TRAPPC9: variants seen among roughly 807,000 people sequenced by gnomAD.
TRAPPC9 encodes the protein IKK2 binding protein.
TRAPPC9 carries 83 observed loss-of-function variants against 124.0 expected under a neutral mutation model. That is an observed-to-expected ratio of 0.67 (90% confidence interval 0.56 to 0.80). TRAPPC9 has a LOEUF of 0.80. Ranked by LOEUF, TRAPPC9 falls within the 30% of genes least tolerant of loss-of-function variation. The probability of loss-of-function intolerance (pLI) is 0.00; values close to 1 mark genes in which losing one functional copy is unlikely to be tolerated. For missense variants in TRAPPC9, 1,302 were observed against 1,508.3 expected (o/e 0.86, Z 2.27); for synonymous variants, 638 against 617.5 (o/e 1.03, Z -0.49).
At chr8:140,153,056 C>G (rs527589257) in intron 17 of TRAPPC9, among the ~76,000 whole-genome samples, 4 of 152,142 alleles carry the variant, frequency 2.6e-5, no homozygotes, top group Non-Finnish European at 5.9e-5. Context: ...ACCTTTATTT[C>G]TAATGAGACT....
intron 7 of TRAPPC9, among the ~76,000 whole-genome samples, chr8:140,382,634 G>C (rs1008552106): frequency 6.6e-6 from 1 of 152,008 alleles, no homozygotes; most frequent in African/African-American, 2.4e-5. Flanking sequence ...CATTGCTGAG[G>C]CTTCAGTAGG....
chr8:140,076,468 C>G (rs1438927728), intron 17 of TRAPPC9, among the ~76,000 whole-genome samples: 2 of 152,230 alleles, frequency 1.3e-5, no homozygotes, highest in Non-Finnish European at 2.9e-5. Flanking sequence ...TAGCTAGGAT[C>G]AAACATCAAA....
intron 17 of TRAPPC9, among the ~76,000 whole-genome samples, chr8:140,074,333 C>T (rs550994693): frequency 5.3e-5 from 8 of 152,292 alleles, no homozygotes; most frequent in Admixed American, 2.0e-4. Flanking sequence ...TGGTCACAGC[C>T]GTGCTTCACT....
chr8:139,808,967 C>T (rs899227990), intron 21 of TRAPPC9, among the ~76,000 whole-genome samples: 1 of 152,228 alleles, frequency 6.6e-6, no homozygotes, highest in African/African-American at 2.4e-5. Flanking sequence ...TGTATGTTTT[C>T]AATGCTCTTT....
rs1023935825 is a variant in TRAPPC9 at position 140,049,550 on chromosome 8, C to CA, written c.2557-25472_2557-25471insT. Among the ~76,000 whole-genome samples the CA allele has an allele frequency of 9.2e-5, 14 of 151,946 alleles. 1 individual carries two copies. The highest frequency in any genetic ancestry group is 2.6e-4 in the Admixed American group (4 of 15,264). On this transcript the variant is annotated intron_variant, in intron 17 of 22. Coordinates refer to ENST00000438773, the MANE Select transcript of TRAPPC9 (RefSeq NM_001160372.4). ...GAAGATAAATCCTACAGGGCTCCCC[C>CA]CCCCGAGACCACCAAATTATTTCCC...
intron 17 of TRAPPC9, among the ~76,000 whole-genome samples, chr8:140,198,669 T>C (rs921962107): frequency 6.6e-6 from 1 of 152,180 alleles, no homozygotes; most frequent in Admixed American, 6.5e-5. Flanking sequence ...TGAATTACTC[T>C]TTCTCTATTG....
chr8:140,272,001 TG>T, intron 15 of TRAPPC9, among the ~76,000 whole-genome samples: 12 of 125,922 alleles, frequency 9.5e-5, no homozygotes, highest in Admixed American at 8.7e-4. Flanking sequence ...GTGGTGGTAG[TG>T]ATGGTGGTGA....
At chr8:140,045,290 G>C (rs763280669) in intron 17 of TRAPPC9, among the ~76,000 whole-genome samples, 3 of 152,088 alleles carry the variant, frequency 2.0e-5, no homozygotes, top group Non-Finnish European at 4.4e-5. Context: ...TGCCTGCTGC[G>C]GGCTGTGAGC....
Position 139,892,099 on chromosome 8 carries a change from G to A in TRAPPC9, c.2965-6130C>T, listed in dbSNP as rs907341205. 3.3e-5 allele frequency among the ~76,000 whole-genome samples: 5 copies of A among 152,196 alleles called. No homozygotes were observed. The East Asian group carries it at 5.8e-4, about 18-fold the overall frequency. On this transcript the variant is annotated intron_variant, in intron 20 of 22. Transcript: ENST00000438773. Reference sequence around the variant, plus strand: ...ATGGGCACATACCCATACATGGGCCGCCACAAGCACATGCGCCGCAGCACC... The same window carrying A: ...ATGGGCACATACCCATACATGGGCCACCACAAGCACATGCGCCGCAGCACC...
intron 21 of TRAPPC9, among the ~76,000 whole-genome samples, chr8:139,736,967 A>G (rs983866897): frequency 2.6e-5 from 4 of 152,244 alleles, no homozygotes; most frequent in Admixed American, 6.5e-5. Flanking sequence ...ACCGTCCATT[A>G]CAAGATGGCT....
In TRAPPC9 at chr8:139,992,441, C is replaced by G. The variant is rs534172632; in HGVS notation, c.2700-3605G>C. Among the ~76,000 whole-genome samples the G allele has an allele frequency of 3.2e-3, 479 of 152,046 alleles. 1 individual carries two copies. Among genetic ancestry groups the G allele is most frequent in the African/African-American group, 0.011 (456 of 41,476 alleles). On this transcript the variant is annotated intron_variant, in intron 18 of 22. Transcript: ENST00000438773. ...CAATAAACATTTCCTTTGAGCATCA[C>G]GTCAGTGCTCAAAAAGTTTTGAATT...
At chr8:140,406,932 G>A (rs1588296845) in intron 5 of TRAPPC9, among the ~76,000 whole-genome samples, 1 of 152,164 alleles carries the variant, frequency 6.6e-6, no homozygotes, top group Admixed American at 6.5e-5. Context: ...AGCACGACCC[G>A]GTGACATAAA....
Position 139,731,198 on chromosome 8 carries a change from C to G in TRAPPC9, c.3310G>C (p.Gly1104Arg), listed in dbSNP as rs774014478. 1 of 1,613,522 alleles carries G rather than the reference C, an allele frequency of 6.2e-7. No individual in the cohort carries two copies. The change falls in exon 23 of 23, where the codon GGG (glycine) becomes CGG (arginine). Residue 1104 changes from glycine to arginine, a missense_variant. Gly to Arg is a moderately radical substitution (Grantham distance 125, BLOSUM62 -2). This residue lies in a region of TRAPPC9 where 640 missense variants were observed against 679.3 expected (regional missense o/e 0.94). Coordinates refer to ENST00000438773, the MANE Select transcript of TRAPPC9 (RefSeq NM_001160372.4). Reference sequence around the variant, plus strand: ...CCCGTGTAGAGGAAGAGGAGGGCCCCGAGGCAGGCCGACTGGCCGGACGGC... The same window carrying G: ...CCCGTGTAGAGGAAGAGGAGGGCCCGGAGGCAGGCCGACTGGCCGGACGGC... ...VQPSGQSACL[G>R]ALLFLYTGDF... is the part of the protein sequence containing the mutation.
At chr8:140,152,046 C>G (rs6990801) in intron 17 of TRAPPC9, among the ~76,000 whole-genome samples, 1 of 152,140 alleles carries the variant, frequency 6.6e-6, no homozygotes, top group Non-Finnish European at 1.5e-5. Flanking sequence ...CTTCCCAGCT[C>G]TATGACCTTG....
intron 8 of TRAPPC9, 57 bp from the exon 9 acceptor site, chr8:140,360,250 G>C (rs1007766587): frequency 6.2e-7 from 1 of 1,609,230 alleles, no homozygotes; most frequent in East Asian, 2.2e-5. Flanking sequence ...CAGGAAATAC[G>C]GTTAATCTAA....
chr8:139,733,793 T>C (rs1024970986), intron 21 of TRAPPC9, among the ~76,000 whole-genome samples: 3 of 152,226 alleles, frequency 2.0e-5, no homozygotes, highest in South Asian at 2.1e-4. Context: ...GGAAACACCC[T>C]GACCCACAGC....
intron 8 of TRAPPC9, among the ~76,000 whole-genome samples, chr8:140,370,251 T>C (rs1311358711): frequency 6.6e-6 from 1 of 152,074 alleles, no homozygotes; most frequent in Non-Finnish European, 1.5e-5. Context: ...GTAATTCTCT[T>C]GCCTCAGCCT....
At chr8:139,819,585 T>G (rs1051940472) in intron 21 of TRAPPC9, among the ~76,000 whole-genome samples, 7 of 152,274 alleles carry the variant, frequency 4.6e-5, no homozygotes, top group African/African-American at 1.7e-4. Context: ...CAGAGACAAC[T>G]ATAGATAAAT....
intron 21 of TRAPPC9, among the ~76,000 whole-genome samples, chr8:139,879,069 T>G (rs1173889444): frequency 6.6e-6 from 1 of 152,226 alleles, no homozygotes; most frequent in Admixed American, 6.5e-5. Flanking sequence ...GGATACTGAG[T>G]CTGCCAGGGA....
Sources: allele counts gnomAD v4.1 joint callset (sites outside exome capture counted in the v4.1 genomes callset), GRCh38; gene constraint gnomAD v4.1.1; regional missense constraint gnomAD v4.1.1; transcripts MANE v1.5; gene names NCBI Gene and HGNC (gene_info 2026-07-23, HGNC 2026-07-21).